Variants in EZR observed in about 807,000 individuals in gnomAD.
The protein encoded by EZR is ezrin.
In EZR, 40 loss-of-function variants were observed where a neutral mutation model predicts 74.8. The ratio of observed to expected loss-of-function variants is 0.53; its 90% CI spans 0.42 to 0.70. The LOEUF (loss-of-function observed/expected upper bound fraction) is 0.70, where lower values mean the gene tolerates loss of function less well. Ranked by LOEUF, EZR falls within the 30% of genes least tolerant of loss-of-function variation. EZR has a pLI of 0.00. For missense variants in EZR, 678 were observed against 755.8 expected (o/e 0.90, Z 1.21); for synonymous variants, 341 against 283.3 (o/e 1.20, Z -2.05).
At chr6:158,798,871 C>T (rs967937009) in intron 2 of EZR, among the ~76,000 whole-genome samples, 2 of 152,054 alleles carry the variant, frequency 1.3e-5, no homozygotes, top group Admixed American at 6.6e-5. Context: ...TCAAGGGATC[C>T]GCCCACCTCA....
chr6:158,768,100 G>A (rs558425742), intron 12 of EZR, among the ~76,000 whole-genome samples: 14 of 152,070 alleles, frequency 9.2e-5, no homozygotes, highest in African/African-American at 9.6e-5. Context: ...ATCCCCCCAT[G>A]CTGGGGGTGG....
intron 9 of EZR, 114 bp downstream of exon 9, chr6:158,771,130 G>T: frequency 6.9e-7 from 1 of 1,452,984 alleles, no homozygotes; most frequent in Non-Finnish European, 9.2e-7. Flanking sequence ...TGGTGACTGG[G>T]TTCCATTCCA....
At chr6:158,807,328 A>C (rs56241938) in intron 2 of EZR, among the ~76,000 whole-genome samples, 1 of 136,714 alleles carries the variant, frequency 7.3e-6, no homozygotes, top group Non-Finnish European at 1.7e-5. Context: ...AAAAAAAAAA[A>C]AAAACAAACA....
rs58499377 is a variant in EZR, at chr6:158,811,875, CA to C, written c.12+6206del. 1.2e-4 allele frequency among the ~76,000 whole-genome samples: 17 copies of C among 140,726 alleles called. No individual in the cohort carries two copies. In the East Asian group the frequency reaches 1.6e-3, roughly 14 times the overall value. The allele number at this position is 140,726 out of a possible 152,430, so 92.3% of individuals were successfully genotyped here. ...GGGTGACAGAGTGAGACCCTGTTTCCAAAAAAAAAAAATTCACATTATTTCA... is the reference window on the plus strand; with the variant it reads ...GGGTGACAGAGTGAGACCCTGTTTCCAAAAAAAAAAATTCACATTATTTCA... On this transcript the variant is annotated intron_variant, in intron 2 of 13. Transcript: ENST00000367075.
chr6:158,771,069 G>A (rs1562490365), intron 9 of EZR, among the ~76,000 whole-genome samples, 175 bp from the exon 10 acceptor site: 1 of 152,166 alleles, frequency 6.6e-6, no homozygotes, highest in Non-Finnish European at 1.5e-5. Flanking sequence ...CTGACAACAG[G>A]CTCAGCACCA....
At position 158,767,543 on chromosome 6, in the gene EZR, T is replaced by G. The variant is rs754152029; in HGVS notation, c.1345-31A>C. ...GAAAGCAAATTAATAAGAGGACTTC[T>G]CACCCAGAAGTCCTATCCTCCTGGC... On this transcript the variant is annotated intron_variant, in intron 12 of 13. Coordinates refer to ENST00000367075, the MANE Select transcript of EZR (RefSeq NM_001111077.2). The G allele has an allele frequency of 1.2e-5, 19 of 1,546,536 alleles. No individual in the cohort carries two copies. The Middle Eastern group carries it at 8.7e-4, about 71-fold the overall frequency.
Position 158,767,029 on chromosome 6 carries a change from T to C in EZR, c.1646A>G (p.His549Arg), listed in dbSNP as rs776919766. 1.5e-5 allele frequency: 25 copies of C among 1,614,202 alleles called. No individual in the cohort carries two copies. Among genetic ancestry groups the C allele is most frequent in the Non-Finnish European group, 2.0e-5 (24 of 1,180,034 alleles). The change falls in exon 14 of 14, where the codon CAC becomes CGC. Residue 549 changes from histidine (H) to arginine (R), a missense_variant. Around this residue, in one of 3 missense-constraint regions of EZR, gnomAD observed 342 missense variants for 341.2 expected, o/e 1.00. Coordinates refer to ENST00000367075, the MANE Select transcript of EZR (RefSeq NM_001111077.2). ...GTTCTCGTTGTGGATGATGTCATTG[T>C]GGGTCCTCTTATTCTCATCTCGGGC... is the stretch of plus-strand genomic sequence containing the variant. ...SQARDENKRT[H>R]NDIIHNENMR... is the part of the protein sequence containing the mutation.
At chr6:158,809,293 T>C (rs1024040520) in intron 2 of EZR, among the ~76,000 whole-genome samples, 3 of 152,144 alleles carry the variant, frequency 2.0e-5, no homozygotes, top group African/African-American at 7.2e-5. Context: ...ACATCTGCAG[T>C]CAGAAATTCA....
intron 8 of EZR, among the ~76,000 whole-genome samples, chr6:158,774,626 A>G (rs1184521313): frequency 6.7e-6 from 1 of 149,508 alleles, no homozygotes; most frequent in African/African-American, 2.5e-5. Context: ...CTTGGGGCTT[A>G]TTATGAAAAT....
intron 2 of EZR, among the ~76,000 whole-genome samples, chr6:158,796,533 C>T (rs1306403704): frequency 4.6e-5 from 7 of 152,194 alleles, no homozygotes; most frequent in Admixed American, 4.6e-4. Context: ...CTCGATCATT[C>T]TATGACTTAA....
At chr6:158,769,443 G>A (rs372065852) in intron 11 of EZR, 25 bp from the exon 12 acceptor site, 23 of 1,595,590 alleles carry the variant, frequency 1.4e-5, no homozygotes, top group South Asian at 2.2e-5. Flanking sequence ...CCAAGCTCAC[G>A]TCAGTTCTGA....
chr6:158,801,639 C>T (rs958525238), intron 2 of EZR, among the ~76,000 whole-genome samples: 1 of 152,112 alleles, frequency 6.6e-6, no homozygotes, highest in African/African-American at 2.4e-5. Flanking sequence ...ATGTACTAGT[C>T]TTTTACTGCC....
intron 11 of EZR, 146 bp from the exon 12 acceptor site, chr6:158,769,564 A>T (rs41267745): frequency 0.065 from 67,241 of 1,036,754 alleles, 2,583 homozygotes; most frequent in Non-Finnish European, 0.075. Flanking sequence ...AGCAGGGTCC[A>T]TTGTGCACCC....
Position 158,769,432 on chromosome 6 carries a change from G to T in EZR, c.1252-14C>A. On this transcript the variant is annotated splice_polypyrimidine_tract_variant and intron_variant, in intron 11 of 13. Coordinates refer to ENST00000367075, the MANE Select transcript of EZR (RefSeq NM_001111077.2). ...AAGCTCCGCAGCCTGGGAAGGGAAT[G>T]CCAAGCTCACGTCAGTTCTGATATC... 6.2e-7 allele frequency: 1 copy of T among 1,602,102 alleles called. No homozygotes were observed.
At chr6:158,807,157 C>CA (rs1215625348) in intron 2 of EZR, among the ~76,000 whole-genome samples, 4 of 151,332 alleles carry the variant, frequency 2.6e-5, no homozygotes, top group South Asian at 2.1e-4. Context: ...CTAAAAAATA[C>CA]AAAAAAAATT....
intron 2 of EZR, among the ~76,000 whole-genome samples, chr6:158,798,373 A>G (rs1054738462): frequency 1.3e-5 from 2 of 152,234 alleles, no homozygotes; most frequent in African/African-American, 2.4e-5. Context: ...TAAAAACTAA[A>G]CTTTTTGGGT....
chr6:158,785,013 A>G (rs1173266379), intron 5 of EZR, among the ~76,000 whole-genome samples: 3 of 152,196 alleles, frequency 2.0e-5, no homozygotes, highest in Non-Finnish European at 4.4e-5. Flanking sequence ...CTAAATAAAA[A>G]CAGATTTCAC....
intron 2 of EZR, among the ~76,000 whole-genome samples, chr6:158,811,219 A>G (rs1170666791): frequency 2.0e-5 from 3 of 152,224 alleles, no homozygotes; most frequent in Admixed American, 1.3e-4. Context: ...GCTGAAATTA[A>G]AAACTAATTG....
intron 2 of EZR, among the ~76,000 whole-genome samples, chr6:158,803,863 T>C (rs1440549407): frequency 6.6e-6 from 1 of 151,720 alleles, no homozygotes; most frequent in Non-Finnish European, 1.5e-5. Flanking sequence ...TGCTCATTAT[T>C]ATCAGCAAGA....
Sources: allele counts gnomAD v4.1 joint callset (sites outside exome capture counted in the v4.1 genomes callset), GRCh38; gene constraint gnomAD v4.1.1; regional missense constraint gnomAD v4.1.1; transcripts MANE v1.5; gene names NCBI Gene and HGNC (gene_info 2026-07-23, HGNC 2026-07-21).